LINGO2: variants seen among roughly 807,000 people sequenced by gnomAD.
The protein encoded by LINGO2 is leucine rich repeat and Ig domain containing 2, also known as leucine-rich repeat and immunoglobulin-like domain-containing nogo receptor-interacting protein 2.
Under a neutral mutation model 30.6 loss-of-function variants are expected in LINGO2, and 14 were observed. The ratio of observed to expected loss-of-function variants is 0.46; its 90% CI spans 0.30 to 0.72. The LOEUF (loss-of-function observed/expected upper bound fraction) is 0.72, where lower values mean the gene tolerates loss of function less well. LINGO2 is among the 30% of genes least tolerant of loss of function. LINGO2 has a pLI of 0.07. For synonymous variants in LINGO2, 317 were observed against 288.5 expected (o/e 1.10, Z -1.00); for missense variants, 729 against 751.7 (o/e 0.97, Z 0.35).
At chr9:28,805,538 A>T in the LINGO2 span, among the ~76,000 whole-genome samples, 4 of 152,296 alleles carry the variant, frequency 2.6e-5, no homozygotes, top group African/African-American at 4.8e-5. Context: ...ATATTGGCCA[A>T]TTTGCAACAT....
At chr9:28,645,719 A>T (rs1217078606) in intron 1 of LINGO2, among the ~76,000 whole-genome samples, 1 of 152,144 alleles carries the variant, frequency 6.6e-6, no homozygotes, top group Non-Finnish European at 1.5e-5. Flanking sequence ...TATTTTTAAT[A>T]AGACCTTGGT....
intron 5 of LINGO2, among the ~76,000 whole-genome samples, chr9:27,959,144 T>TC (rs1819716347): frequency 6.6e-6 from 1 of 152,186 alleles, no homozygotes; most frequent in African/African-American, 2.4e-5. Flanking sequence ...ATTCCTGATA[T>TC]CAGTGAGTTG....
At chr9:27,981,570 G>GAAAAA (rs147823149) in intron 5 of LINGO2, among the ~76,000 whole-genome samples, 1 of 101,486 alleles carries the variant, frequency 9.9e-6, no homozygotes, top group Non-Finnish European at 2.0e-5. Flanking sequence ...GAAAAAAAAA[G>GAAAAA]AAAAAAAAAA....
the LINGO2 span, among the ~76,000 whole-genome samples, chr9:29,043,764 A>C: frequency 3.0e-4 from 46 of 152,156 alleles, no homozygotes; most frequent in African/African-American, 1.1e-3. Flanking sequence ...CATAAAACAC[A>C]GTTATATGCA....
chr9:28,958,918 TAAC>T, the LINGO2 span, among the ~76,000 whole-genome samples: 1 of 152,018 alleles, frequency 6.6e-6, no homozygotes, highest in Non-Finnish European at 1.5e-5. Context: ...ACATCAAAAC[TAAC>T]AACATGCAAA....
At chr9:28,525,920 G>A (rs1023105179) in intron 1 of LINGO2, among the ~76,000 whole-genome samples, 2 of 151,774 alleles carry the variant, frequency 1.3e-5, no homozygotes, top group Non-Finnish European at 2.9e-5. Context: ...GCGGGGCGTG[G>A]TGGCGGGCGC....
At chr9:28,099,367 C>G (rs1475300090) in intron 4 of LINGO2, among the ~76,000 whole-genome samples, 1 of 152,032 alleles carries the variant, frequency 6.6e-6, no homozygotes, top group African/African-American at 2.4e-5. Flanking sequence ...TCTGTGCTTT[C>G]TTGTTTTTTG....
intron 1 of LINGO2, among the ~76,000 whole-genome samples, chr9:28,583,282 T>G (rs73644079): frequency 6.6e-6 from 1 of 151,998 alleles, no homozygotes; most frequent in East Asian, 1.9e-4. Context: ...ATTGCTGTTA[T>G]AAGCATTTTC....
chr9:28,035,631 T>C (rs1823894312), intron 4 of LINGO2, among the ~76,000 whole-genome samples: 1 of 152,220 alleles, frequency 6.6e-6, no homozygotes, highest in African/African-American at 2.4e-5. Flanking sequence ...CATTTAAGTA[T>C]CTTGTTGACT....
intron 4 of LINGO2, among the ~76,000 whole-genome samples, chr9:28,284,348 T>C (rs1015698339): frequency 1.3e-5 from 2 of 152,176 alleles, no homozygotes; most frequent in African/African-American, 4.8e-5. Flanking sequence ...GTGATGTAGA[T>C]TCTGCACTCA....
chr9:28,657,388 T>A (rs1588035698), intron 1 of LINGO2, among the ~76,000 whole-genome samples: 1 of 152,112 alleles, frequency 6.6e-6, no homozygotes, highest in African/African-American at 2.4e-5. Context: ...GGCTTTTTTA[T>A]TTTTTTCCTT....
At chr9:29,174,985 G>C in the LINGO2 span, among the ~76,000 whole-genome samples, 1 of 152,188 alleles carries the variant, frequency 6.6e-6, no homozygotes, top group Admixed American at 6.5e-5. Flanking sequence ...GGTGGGCTGG[G>C]TGCAGTGGCT....
intron 1 of LINGO2, among the ~76,000 whole-genome samples, chr9:28,522,801 A>T (rs576466457): frequency 6.6e-6 from 1 of 152,130 alleles, no homozygotes; most frequent in Non-Finnish European, 1.5e-5. Flanking sequence ...TGAAGTACAT[A>T]GAACCTATGA....
At chr9:28,559,731 ATT>A (rs898875683) in intron 1 of LINGO2, among the ~76,000 whole-genome samples, 1 of 151,856 alleles carries the variant, frequency 6.6e-6, no homozygotes, top group South Asian at 2.1e-4. Flanking sequence ...TTTCTGTTAA[ATT>A]TTTTTTGTTC....
At chr9:29,203,319 T>C in the LINGO2 span, among the ~76,000 whole-genome samples, 1 of 152,160 alleles carries the variant, frequency 6.6e-6, no homozygotes, top group Non-Finnish European at 1.5e-5. Flanking sequence ...GACTTCAGTG[T>C]TTAAGGTTAT....
the LINGO2 span, among the ~76,000 whole-genome samples, chr9:29,019,847 A>C: frequency 6.6e-6 from 1 of 152,196 alleles, no homozygotes; most frequent in African/African-American, 2.4e-5. Context: ...GAGTTACAAA[A>C]GCTCAGTCTC....
At chr9:28,222,780 A>G (rs1821011715) in intron 4 of LINGO2, among the ~76,000 whole-genome samples, 1 of 152,220 alleles carries the variant, frequency 6.6e-6, no homozygotes, top group Admixed American at 6.5e-5. Flanking sequence ...AGTCAAATAC[A>G]CAAACAGCTT....
chr9:28,931,021 T>A, the LINGO2 span, among the ~76,000 whole-genome samples: 1 of 152,198 alleles, frequency 6.6e-6, no homozygotes. Flanking sequence ...TCAGATTATT[T>A]AATAACACTG....
the LINGO2 span, among the ~76,000 whole-genome samples, chr9:29,204,454 C>A: frequency 6.6e-6 from 1 of 152,124 alleles, no homozygotes. Flanking sequence ...GTCCCCTTCC[C>A]ACAGACAATA....
Sources: gnomAD v4.1 joint callset for allele counts (sites outside exome capture counted in the v4.1 genomes callset) on GRCh38, gnomAD v4.1.1 for gene constraint, MANE v1.5 for transcripts, NCBI Gene and HGNC (gene_info 2026-07-23, HGNC 2026-07-21) for gene names.